The following GLIPR1L1 variants were observed in gnomAD, a reference collection of about 807,000 sequenced individuals.
The protein encoded by GLIPR1L1 is GLIPR1-like protein 1.
Under a neutral mutation model 29.9 loss-of-function variants are expected in GLIPR1L1, and 26 were observed. The ratio of observed to expected loss-of-function variants is 0.87; its 90% confidence interval spans 0.64 to 1.21. The LOEUF is 1.21. Among genes scored for constraint, GLIPR1L1 ranks in the 50% most tolerant of loss-of-function variants. GLIPR1L1 has a pLI of 0.00. For missense variants in GLIPR1L1, 305 were observed against 290.3 expected, an observed-to-expected ratio of 1.05 and a Z score of -0.37; for synonymous variants, 77 against 97.5, an observed-to-expected ratio of 0.79 and a Z score of 1.24.
chr12:75,359,355 G>GTTTTTTTTTTTTTTTTT (rs1463566931), intron 3 of GLIPR1L1, among the ~76,000 whole-genome samples: 1 of 46,432 alleles, frequency 2.2e-5, no homozygotes, highest in Non-Finnish European at 4.2e-5. Flanking sequence ...CAGCATTGTT[G>GTTTTTTTTTTTTTTTTT]TCTTTTTTTT....
chr12:75,353,587 T>G (rs1010902720), intron 3 of GLIPR1L1, among the ~76,000 whole-genome samples: 1 of 152,154 alleles, frequency 6.6e-6, no homozygotes, highest in Admixed American at 6.5e-5. Flanking sequence ...CTGATACCCT[T>G]TCTTCTGAAA....
chr12:75,368,972 T>C (rs1188994763), intron 4 of GLIPR1L1, among the ~76,000 whole-genome samples: 3 of 152,156 alleles, frequency 2.0e-5, no homozygotes. Context: ...TGTGTAGTTA[T>C]GTTTCATTTA....
chr12:75,341,681 C>A (rs1382282089), intron 1 of GLIPR1L1, among the ~76,000 whole-genome samples: 1 of 151,364 alleles, frequency 6.6e-6, no homozygotes, highest in African/African-American at 2.4e-5. Context: ...CTCCTGATCT[C>A]GTGATCCGCC....
At chr12:75,358,785 T>C (rs1361765201) in intron 3 of GLIPR1L1, among the ~76,000 whole-genome samples, 1 of 144,044 alleles carries the variant, frequency 6.9e-6, no homozygotes, top group Admixed American at 7.1e-5. Flanking sequence ...ATATATAATA[T>C]ATAACAATAT....
Position 75,343,837 on chromosome 12 carries a change from T to A in GLIPR1L1, c.319T>A (p.Ser107Thr). The A allele has an allele frequency of 1.2e-6, 2 of 1,613,340 alleles. No homozygotes were observed. The highest frequency in any genetic ancestry group is 1.7e-6 in the Non-Finnish European group (2 of 1,179,438). Reference protein sequence around the residue: ...GENIWLGGIKSFTPRHAITAW... With the variant: ...GENIWLGGIKTFTPRHAITAW... The stretch of plus-strand genomic sequence containing the variant: ...AAATATCTGGTTAGGTGGAATAAAG[T>A]CATTCACACCAAGACATGCCATTAC... The change falls in exon 2 of 6, where the codon TCA becomes ACA. Residue 107 changes from serine (S) to threonine (T), a missense_variant. By Grantham distance (58) the Ser-to-Thr change is moderately conservative (BLOSUM62 1). Transcript: ENST00000378695.
intron 3 of GLIPR1L1, among the ~76,000 whole-genome samples, chr12:75,351,725 T>C (rs2042828826): frequency 6.6e-6 from 1 of 152,096 alleles, no homozygotes; most frequent in African/African-American, 2.4e-5. Context: ...TTTTGTATTT[T>C]TAGTACAGAC....
intron 3 of GLIPR1L1, among the ~76,000 whole-genome samples, chr12:75,350,942 G>C (rs1391843858): frequency 6.6e-6 from 1 of 152,104 alleles, no homozygotes; most frequent in Non-Finnish European, 1.5e-5. Flanking sequence ...AAGAAGCTAA[G>C]AACCATGATA....
intron 5 of GLIPR1L1, 43 bp downstream of exon 5, chr12:75,370,029 C>A: frequency 8.0e-7 from 1 of 1,257,030 alleles, no homozygotes; most frequent in Non-Finnish European, 1.1e-6. Flanking sequence ...TTATTTCCTC[C>A]CGTTGAAAAT....
chr12:75,364,382 A>T (rs561460581), intron 4 of GLIPR1L1, among the ~76,000 whole-genome samples: 1 of 152,356 alleles, frequency 6.6e-6, no homozygotes, highest in Non-Finnish European at 1.5e-5. Flanking sequence ...CATAGGCAAG[A>T]TCAATGGCCA....
intron 4 of GLIPR1L1, among the ~76,000 whole-genome samples, chr12:75,369,274 G>A (rs1273488360): frequency 6.6e-6 from 1 of 151,694 alleles, no homozygotes; most frequent in African/African-American, 2.4e-5. Context: ...TTTATATTTT[G>A]TAGCATTCAT....
chr12:75,340,296 T>C (rs1319578406), intron 1 of GLIPR1L1, among the ~76,000 whole-genome samples: 5 of 151,944 alleles, frequency 3.3e-5, no homozygotes, highest in African/African-American at 1.2e-4. Context: ...AAAAACGACG[T>C]ATTTTCCTCT....
intron 3 of GLIPR1L1, 97 bp from the exon 4 acceptor site, chr12:75,363,005 T>C (rs549782682): frequency 5.9e-5 from 34 of 571,922 alleles, no homozygotes; most frequent in Middle Eastern, 3.8e-4. Flanking sequence ...TCAACATTTA[T>C]GACTTAATAA....
At chr12:75,353,370 T>C (rs888519482) in intron 3 of GLIPR1L1, among the ~76,000 whole-genome samples, 3 of 152,218 alleles carry the variant, frequency 2.0e-5, no homozygotes, top group East Asian at 1.9e-4. Context: ...TAAACACCTC[T>C]GTGCAAATCA....
intron 4 of GLIPR1L1, among the ~76,000 whole-genome samples, chr12:75,367,268 G>GA (rs35250320): frequency 0.016 from 1,444 of 88,678 alleles, 17 homozygotes; most frequent in Middle Eastern, 0.03. Flanking sequence ...TTCCTAGGAG[G>GA]AAAAAAAAAA....
At chr12:75,365,602 A>C (rs1156484548) in intron 4 of GLIPR1L1, among the ~76,000 whole-genome samples, 5 of 152,158 alleles carry the variant, frequency 3.3e-5, no homozygotes, top group Non-Finnish European at 2.9e-5. Flanking sequence ...CAGAGAGTTA[A>C]TGAATATACA....
chr12:75,340,314 T>C (rs914960431), intron 1 of GLIPR1L1, among the ~76,000 whole-genome samples: 1 of 151,934 alleles, frequency 6.6e-6, no homozygotes. Context: ...TCTGCGTAGA[T>C]TTTTGACAAA....
In GLIPR1L1 at chr12:75,343,935, A is replaced by C. The variant is rs1182647241; in HGVS notation, c.417A>C (p.Thr139=). The C allele has an allele frequency of 6.2e-7, 1 of 1,602,654 alleles. No homozygotes were observed. The highest frequency in any genetic ancestry group is 8.5e-7 in the Non-Finnish European group (1 of 1,173,334). The part of the protein sequence containing the change: ...LSCSRVCGHY[T]QLVWANSFYV... Reference sequence around the variant, plus strand: ...GCTCCAGAGTCTGTGGCCATTATACACAGGTAAATATTTGACATCTTTATT... The same window carrying C: ...GCTCCAGAGTCTGTGGCCATTATACCCAGGTAAATATTTGACATCTTTATT... The change falls in exon 2 of 6, where the codon ACA becomes ACC. Residue 139 remains threonine, a synonymous_variant. Coordinates refer to ENST00000378695, the MANE Select transcript of GLIPR1L1 (RefSeq NM_001304964.2).
intron 3 of GLIPR1L1, among the ~76,000 whole-genome samples, chr12:75,351,383 A>C (rs970167267): frequency 1.3e-5 from 2 of 152,202 alleles, no homozygotes; most frequent in Admixed American, 6.5e-5. Context: ...ACACATAATC[A>C]TCAGATTCTC....
At chr12:75,343,556 C>A (rs7312406) in intron 1 of GLIPR1L1, 137 bp from the exon 2 acceptor site, 607,807 of 675,516 alleles carry the variant, frequency 0.9, 274,187 homozygotes, top group East Asian at 1. Context: ...ACTAACTATG[C>A]ACATAATAAA....
Sources: allele counts gnomAD v4.1 joint callset (sites outside exome capture counted in the v4.1 genomes callset), GRCh38; gene constraint gnomAD v4.1.1; transcripts MANE v1.5; gene names NCBI Gene and HGNC (gene_info 2026-07-23, HGNC 2026-07-21).